ERC1: variants seen among roughly 807,000 people sequenced by gnomAD.
The protein encoded by ERC1 is ELKS/RAB6-interacting/CAST family member 1.
ERC1 carries 56 observed loss-of-function variants against 132.0 expected under a neutral mutation model. The ratio of observed to expected loss-of-function variants is 0.42; its 90% CI spans 0.34 to 0.53. The LOEUF is 0.53. Among genes scored for constraint, ERC1 ranks in the 20% least tolerant of loss-of-function variants. ERC1 has a pLI of 0.03. For synonymous variants in ERC1, 478 were observed against 476.1 expected, an observed-to-expected ratio of 1.00 and a Z score of -0.05; for missense variants, 1,202 against 1,349.9, an observed-to-expected ratio of 0.89 and a Z score of 1.72.
intron 2 of ERC1, among the ~76,000 whole-genome samples, chr12:1,037,442 T>C (rs2154156207): frequency 6.6e-6 from 1 of 152,324 alleles, no homozygotes; most frequent in South Asian, 2.1e-4. Flanking sequence ...CATAGTTTCA[T>C]TTTTTAACAT....
At chr12:1,007,832 A>G (rs1337315340) in intron 1 of ERC1, among the ~76,000 whole-genome samples, 1 of 152,176 alleles carries the variant, frequency 6.6e-6, no homozygotes. Flanking sequence ...CTATGAAGTT[A>G]TAAATTCAAG....
intron 18 of ERC1, among the ~76,000 whole-genome samples, chr12:1,451,601 G>A (rs983564225): frequency 1.3e-5 from 2 of 151,874 alleles, no homozygotes; most frequent in Non-Finnish European, 1.5e-5. Flanking sequence ...CTCCAACCTG[G>A]GCTGCAGAAT....
chr12:1,203,035 C>G (rs574893754), intron 12 of ERC1, among the ~76,000 whole-genome samples: 10 of 152,236 alleles, frequency 6.6e-5, no homozygotes, highest in African/African-American at 2.4e-4. Context: ...ATAAATTATG[C>G]CCAGGTGAGA....
chr12:1,422,644 G>T lies in ERC1; in HGVS notation c.3024+14397G>T, dbSNP rs147365096. Among the ~76,000 whole-genome samples the T allele has an allele frequency of 7.7e-3, 1,164 of 152,150 alleles. 8 individuals carry two copies. The highest frequency in any genetic ancestry group is 0.012 in the Non-Finnish European group (790 of 68,000). On this transcript the variant is annotated intron_variant, in intron 17 of 18. Transcript: ENST00000360905. ...TTCCATATCTTGGCAGTTGTAAATAGTGCTGCACTAAACATGGGAGTACAG... is the reference window on the plus strand; with the variant it reads ...TTCCATATCTTGGCAGTTGTAAATATTGCTGCACTAAACATGGGAGTACAG...
chr12:1,285,622 AAAAG>A (rs1389887100), intron 14 of ERC1, among the ~76,000 whole-genome samples: 2 of 152,184 alleles, frequency 1.3e-5, no homozygotes, highest in Non-Finnish European at 2.9e-5. Context: ...CTAAATATGA[AAAAG>A]AAAACCTGAG....
At chr12:1,420,220 G>C (rs908898910) in intron 17 of ERC1, among the ~76,000 whole-genome samples, 1 of 151,098 alleles carries the variant, frequency 6.6e-6, no homozygotes, top group African/African-American at 2.4e-5. Flanking sequence ...CTTTTACAAA[G>C]ACTGAATATT....
intron 14 of ERC1, among the ~76,000 whole-genome samples, chr12:1,265,423 G>A (rs1332952194): frequency 2.6e-5 from 4 of 152,146 alleles, no homozygotes; most frequent in Non-Finnish European, 5.9e-5. Flanking sequence ...ATGGTTAATA[G>A]ACTTCGCAGT....
chr12:1,013,707 G>C (rs1009884841), intron 1 of ERC1, among the ~76,000 whole-genome samples: 1 of 152,128 alleles, frequency 6.6e-6, no homozygotes, highest in Non-Finnish European at 1.5e-5. Flanking sequence ...TCATTAACTT[G>C]TAGATTTATT....
chr12:1,436,977 T>C (rs955325694), intron 17 of ERC1, among the ~76,000 whole-genome samples: 2 of 151,510 alleles, frequency 1.3e-5, no homozygotes, highest in African/African-American at 4.9e-5. Flanking sequence ...TTCAGATATA[T>C]ATATATATAT....
Position 1,026,482 on chromosome 12 carries a change from G to A in ERC1, c.-156-1266G>A, listed in dbSNP as rs906196753. On this transcript the variant is annotated intron_variant, in intron 1 of 18. Transcript: ENST00000360905. ...CTTGGGCTAGTACTATACAGTTTTC[G>A]TTATTATAGTTTTACAAGGCTACAA... is the stretch of plus-strand genomic sequence containing the variant. 2.0e-5 allele frequency among the ~76,000 whole-genome samples: 3 copies of A among 152,122 alleles called. No individual in the cohort carries two copies. The East Asian group carries it at 5.8e-4, about 29-fold the overall frequency.
At chr12:1,201,668 G>T (rs536901816) in intron 12 of ERC1, among the ~76,000 whole-genome samples, 1 of 152,062 alleles carries the variant, frequency 6.6e-6, no homozygotes, top group African/African-American at 2.4e-5. Context: ...GTAAACCTAG[G>T]TATTTAGTCT....
chr12:1,353,023 C>CT (rs2085160208), intron 15 of ERC1, among the ~76,000 whole-genome samples: 3 of 134,492 alleles, frequency 2.2e-5, no homozygotes, highest in South Asian at 2.4e-4. Flanking sequence ...GTCTTCTTTT[C>CT]TTTTCTTTTT....
intron 12 of ERC1, among the ~76,000 whole-genome samples, chr12:1,202,230 A>G (rs1239743697): frequency 2.0e-5 from 3 of 152,142 alleles, no homozygotes; most frequent in Non-Finnish European, 4.4e-5. Flanking sequence ...TGGGCACAGC[A>G]CCTTATAGTT....
chr12:1,493,357 A>G lies in ERC1; in HGVS notation c.*3127A>G, dbSNP rs2094332833. 5.7e-6 allele frequency: 1 copy of G among 175,878 alleles called. No homozygotes were observed. The highest frequency in any genetic ancestry group is 1.2e-5 in the Non-Finnish European group (1 of 81,776). The allele number at this position is 175,878 out of a possible 1,614,324, so 10.9% of individuals were successfully genotyped here. ...CAGGAGTTCGAGGCCAGCCTGGCCA[A>G]GATGGCAAAAACCCCGACTCTACTA... On this transcript the variant is annotated 3_prime_UTR_variant, in exon 19 of 19. Coordinates refer to ENST00000360905, the MANE Select transcript of ERC1 (RefSeq NM_178040.4).
At chr12:1,466,355 C>G (rs2154425134) in intron 18 of ERC1, among the ~76,000 whole-genome samples, 1 of 152,254 alleles carries the variant, frequency 6.6e-6, no homozygotes. Flanking sequence ...GATTTGGAAC[C>G]ACCCTGCCTG....
At chr12:1,011,814 G>A (rs1056599971) in intron 1 of ERC1, among the ~76,000 whole-genome samples, 1 of 152,036 alleles carries the variant, frequency 6.6e-6, no homozygotes, top group Non-Finnish European at 1.5e-5. Flanking sequence ...GGATATGGTT[G>A]CAAATGCCTG....
intron 2 of ERC1, among the ~76,000 whole-genome samples, chr12:1,055,687 A>G (rs971929393): frequency 2.0e-5 from 3 of 152,236 alleles, no homozygotes; most frequent in Non-Finnish European, 4.4e-5. Context: ...GCATAGTGTA[A>G]AAAGCGCAAG....
chr12:1,330,127 A>G (rs897140186), intron 15 of ERC1, among the ~76,000 whole-genome samples: 2 of 152,228 alleles, frequency 1.3e-5, no homozygotes, highest in African/African-American at 4.8e-5. Context: ...CAGGACCAAC[A>G]TTTTATTTTC....
chr12:1,172,752 ATTAT>A (rs1023522315), intron 8 of ERC1, among the ~76,000 whole-genome samples: 4 of 149,050 alleles, frequency 2.7e-5, no homozygotes, highest in Non-Finnish European at 1.5e-5. Flanking sequence ...TTCTGTAACA[ATTAT>A]TTTATTAATT....
Sources: allele counts gnomAD v4.1 joint callset (sites outside exome capture counted in the v4.1 genomes callset), GRCh38; gene constraint gnomAD v4.1.1; transcripts MANE v1.5; gene names NCBI Gene and HGNC (gene_info 2026-07-23, HGNC 2026-07-21).